The following ANAPC1 variants were observed in gnomAD, a reference collection of about 807,000 sequenced individuals.
ANAPC1 encodes anaphase promoting complex subunit 1, also known as anaphase-promoting complex subunit 1.
In ANAPC1, 36 loss-of-function variants were observed where a neutral mutation model predicts 208.0. The ratio of observed to expected loss-of-function variants is 0.17; its 90% CI spans 0.13 to 0.23. The LOEUF (loss-of-function observed/expected upper bound fraction) is 0.23. ANAPC1 is among the 10% of genes least tolerant of loss of function. The pLI is 1.00. For missense variants in ANAPC1, 942 were observed against 2,011.6 expected (o/e 0.47, Z 10.17); for synonymous variants, 378 against 695.2 (o/e 0.54, Z 7.18).
At chr2:111,791,050 T>C (rs1558667866) in intron 38 of ANAPC1, among the ~76,000 whole-genome samples, 1 of 152,260 alleles carries the variant, frequency 6.6e-6, no homozygotes, top group Non-Finnish European at 1.5e-5. Flanking sequence ...ATTGATAAGT[T>C]TTATGTTATG....
chr2:111,862,675 C>T (rs1162825906), intron 9 of ANAPC1, 77 bp from the exon 10 acceptor site: 9 of 1,521,494 alleles, frequency 5.9e-6, no homozygotes. Flanking sequence ...AATGACACTT[C>T]CAAAAATTCC....
chr2:111,858,958 T>C (rs1558728867), intron 10 of ANAPC1, among the ~76,000 whole-genome samples: 1 of 152,116 alleles, frequency 6.6e-6, no homozygotes, highest in Non-Finnish European at 1.5e-5. Context: ...AATTTAACAA[T>C]TACTGATGAA....
intron 8 of ANAPC1, among the ~76,000 whole-genome samples, chr2:111,864,201 T>A (rs1275612643): frequency 6.6e-6 from 1 of 151,828 alleles, no homozygotes; most frequent in Non-Finnish European, 1.5e-5. Context: ...TGGTACACAT[T>A]TGTAGTCCTA....
chr2:111,791,353 AGTGCACTGCAG>A (rs1413550358), intron 38 of ANAPC1, among the ~76,000 whole-genome samples: 1 of 150,064 alleles, frequency 6.7e-6, no homozygotes, highest in Non-Finnish European at 1.5e-5. Flanking sequence ...AAATGGTACA[AGTGCACTGCAG>A]CACTGATGGT....
At chr2:111,785,865 GGATT>G (rs1354463794) in intron 39 of ANAPC1, among the ~76,000 whole-genome samples, 1 of 149,262 alleles carries the variant, frequency 6.7e-6, no homozygotes, top group African/African-American at 2.5e-5. Context: ...TTTTCCTTAA[GGATT>G]GATAGGGAAG....
chr2:111,880,205 C>G (rs1683226374), intron 2 of ANAPC1, among the ~76,000 whole-genome samples: 1 of 151,918 alleles, frequency 6.6e-6, no homozygotes, highest in African/African-American at 2.4e-5. Flanking sequence ...GAAACCCCAT[C>G]ACTACTAAAA....
intron 17 of ANAPC1, among the ~76,000 whole-genome samples, chr2:111,843,174 A>C (rs1680861645): frequency 6.6e-6 from 1 of 152,238 alleles, no homozygotes; most frequent in Non-Finnish European, 1.5e-5. Flanking sequence ...AGGTGAAATG[A>C]GAAATAGTCA....
chr2:111,845,664 T>C (rs1681012842), intron 16 of ANAPC1, among the ~76,000 whole-genome samples: 2 of 152,168 alleles, frequency 1.3e-5, no homozygotes, highest in Non-Finnish European at 2.9e-5. Flanking sequence ...TCGAGGTACC[T>C]GGCCTTGTGA....
At chr2:111,848,605 C>G (rs1681221119) in intron 14 of ANAPC1, among the ~76,000 whole-genome samples, 1 of 151,966 alleles carries the variant, frequency 6.6e-6, no homozygotes, top group Non-Finnish European at 1.5e-5. Flanking sequence ...GGTGAAACCC[C>G]ATCTCTACTA....
Position 111,884,143 on chromosome 2 carries a change from G to A in ANAPC1, c.-226C>T, listed in dbSNP as rs1683486113. 1 of 152,312 alleles carries A rather than the reference G, an allele frequency of 6.6e-6. No homozygotes were observed. Among genetic ancestry groups the A allele is most frequent in the Non-Finnish European group, 1.5e-5 (1 of 68,094 alleles). 9.4% of individuals were successfully genotyped at this position (152,312 alleles called of 1,614,324 possible). A position where few individuals can be genotyped will look rare whatever the true frequency, so the allele number is the denominator to read the frequency against. ...TCGAGTGCTAATGGCAGGAAGGCGTGCGAGACGTTCAAATGGACGCGTCCA... is the reference window on the plus strand; with the variant it reads ...TCGAGTGCTAATGGCAGGAAGGCGTACGAGACGTTCAAATGGACGCGTCCA... On this transcript the variant is annotated 5_prime_UTR_variant, in exon 1 of 48. Coordinates refer to ENST00000341068, the MANE Select transcript of ANAPC1 (RefSeq NM_022662.4).
At chr2:111,866,576 A>G (rs1185085535) in intron 7 of ANAPC1, among the ~76,000 whole-genome samples, 3 of 149,914 alleles carry the variant, frequency 2.0e-5, no homozygotes, top group Non-Finnish European at 4.4e-5. Context: ...AATACAAAAA[A>G]TTAGCTGGGC....
chr2:111,835,610 G>A (rs11122987), intron 18 of ANAPC1, among the ~76,000 whole-genome samples: 23,858 of 152,128 alleles, frequency 0.16, 1,942 homozygotes, highest in Admixed American at 0.19. Context: ...AGGCCGAGGC[G>A]GGTGGATCAC....
At chr2:111,834,344 A>G (rs942951190) in intron 19 of ANAPC1, among the ~76,000 whole-genome samples, 1 of 152,124 alleles carries the variant, frequency 6.6e-6, no homozygotes, top group African/African-American at 2.4e-5. Context: ...TCAAAATGAA[A>G]ATCTGAGCAG....
At chr2:111,781,104 G>A (rs1226028321) in intron 43 of ANAPC1, among the ~76,000 whole-genome samples, 3 of 147,044 alleles carry the variant, frequency 2.0e-5, no homozygotes, top group Non-Finnish European at 4.5e-5. Context: ...TTTAAACTTG[G>A]GAAAAAAACA....
At position 111,872,916 on chromosome 2, in the gene ANAPC1, G is replaced by A. The variant is rs1466359848; in HGVS notation, c.529-204C>T. 3 of 558,006 alleles carry A rather than the reference G, an allele frequency of 5.4e-6. No individual in the cohort carries two copies. The Admixed American group carries it at 1.0e-4, about 19-fold the overall frequency. 34.6% of individuals were successfully genotyped at this position (558,006 alleles called of 1,614,324 possible). On this transcript the variant is annotated intron_variant, in intron 5 of 47. Coordinates refer to ENST00000341068, the MANE Select transcript of ANAPC1 (RefSeq NM_022662.4). Reference sequence around the variant, plus strand: ...AAATCAAATCTAATAAAGAGGAGTTGTTCAATGTGAAATTCCTGCCACTGG... The same window carrying A: ...AAATCAAATCTAATAAAGAGGAGTTATTCAATGTGAAATTCCTGCCACTGG...
intron 46 of ANAPC1, among the ~76,000 whole-genome samples, chr2:111,773,774 A>C (rs1676868270): frequency 6.6e-6 from 1 of 152,164 alleles, no homozygotes; most frequent in Non-Finnish European, 1.5e-5. Context: ...TTTTTGAGTA[A>C]GTGGAAGGGG....
intron 29 of ANAPC1, among the ~76,000 whole-genome samples, chr2:111,808,450 C>G (rs1678805859): frequency 6.6e-6 from 1 of 151,828 alleles, no homozygotes; most frequent in South Asian, 2.1e-4. Context: ...GTGGACCTTA[C>G]CATTTCCAGG....
chr2:111,775,639 C>T (rs1310147045), intron 46 of ANAPC1, among the ~76,000 whole-genome samples: 1 of 152,134 alleles, frequency 6.6e-6, no homozygotes, highest in Non-Finnish European at 1.5e-5. Context: ...CGCTAAAGAG[C>T]AACAAGGCAA....
intron 42 of ANAPC1, among the ~76,000 whole-genome samples, chr2:111,782,890 C>A (rs1230415503): frequency 2.0e-5 from 3 of 152,088 alleles, no homozygotes; most frequent in Non-Finnish European, 4.4e-5. Context: ...TGCTGCAAAT[C>A]TAAGGACAGA....
Sources: gnomAD v4.1 joint callset for allele counts (sites outside exome capture counted in the v4.1 genomes callset) on GRCh38, gnomAD v4.1.1 for gene constraint, MANE v1.5 for transcripts, NCBI Gene and HGNC (gene_info 2026-07-23, HGNC 2026-07-21) for gene names.